The following CHRM3 variants were observed in gnomAD, a reference collection of about 807,000 sequenced individuals.
CHRM3 encodes cholinergic receptor muscarinic 3.
Under a neutral mutation model 41.8 loss-of-function variants are expected in CHRM3, and 11 were observed. The ratio of observed to expected loss-of-function variants is 0.26; its 90% CI spans 0.17 to 0.44. CHRM3 has a LOEUF of 0.44. Ranked by LOEUF, CHRM3 falls within the 20% of genes least tolerant of loss-of-function variation. The probability of loss-of-function intolerance (pLI) is 1.00; values close to 1 mark genes in which losing one functional copy is unlikely to be tolerated. For missense variants in CHRM3, 571 were observed against 745.4 expected, an observed-to-expected ratio of 0.77 and a Z score of 2.72; for synonymous variants, 297 against 301.4, an observed-to-expected ratio of 0.99 and a Z score of 0.15.
At chr1:239,602,480 T>C (rs1434579896) in intron 3 of CHRM3, among the ~76,000 whole-genome samples, 1 of 152,122 alleles carries the variant, frequency 6.6e-6, no homozygotes, top group Non-Finnish European at 1.5e-5. Context: ...AAAACTGAAA[T>C]AACTGTTAAT....
intron 3 of CHRM3, among the ~76,000 whole-genome samples, chr1:239,587,678 A>G (rs1006158462): frequency 3.9e-5 from 6 of 152,128 alleles, no homozygotes; most frequent in African/African-American, 1.2e-4. Flanking sequence ...CCATACTTCT[A>G]ACTTTCTCAA....
chr1:239,457,830 A>C (rs1665065707), intron 1 of CHRM3, among the ~76,000 whole-genome samples: 1 of 152,232 alleles, frequency 6.6e-6, no homozygotes, highest in African/African-American at 2.4e-5. Flanking sequence ...AAAGTGGTTT[A>C]AGAAGGAGAT....
At chr1:239,650,469 A>G (rs1672132975) in intron 4 of CHRM3, among the ~76,000 whole-genome samples, 1 of 152,212 alleles carries the variant, frequency 6.6e-6, no homozygotes, top group Non-Finnish European at 1.5e-5. Context: ...GGGAAAAAAG[A>G]AGTGTGAGTG....
At chr1:239,780,830 T>A (rs1219700526) in intron 5 of CHRM3, among the ~76,000 whole-genome samples, 1 of 152,086 alleles carries the variant, frequency 6.6e-6, no homozygotes, top group East Asian at 1.9e-4. Flanking sequence ...TGTGTGTGTG[T>A]GTGTGTGTGT....
chr1:239,756,646 G>A (rs1364761553), intron 5 of CHRM3, among the ~76,000 whole-genome samples: 3 of 152,138 alleles, frequency 2.0e-5, no homozygotes, highest in African/African-American at 2.4e-5. Flanking sequence ...AATGAAGCAC[G>A]TGCTATAAGT....
intron 5 of CHRM3, among the ~76,000 whole-genome samples, chr1:239,782,626 A>G (rs1668590896): frequency 1.3e-5 from 2 of 151,882 alleles, no homozygotes; most frequent in African/African-American, 4.8e-5. Context: ...TTTCTGCTCC[A>G]TTTATTATTA....
intron 6 of CHRM3, among the ~76,000 whole-genome samples, chr1:239,852,744 C>A (rs1223819791): frequency 6.6e-6 from 1 of 152,134 alleles, no homozygotes; most frequent in Admixed American, 6.6e-5. Flanking sequence ...GCACATAGTG[C>A]TGACGTAGTT....
At chr1:239,744,255 CATT>C (rs1665145527) in intron 5 of CHRM3, among the ~76,000 whole-genome samples, 1 of 152,042 alleles carries the variant, frequency 6.6e-6, no homozygotes, top group South Asian at 2.1e-4. Context: ...TAGTTCCTGA[CATT>C]ATTCAGGTCA....
intron 3 of CHRM3, among the ~76,000 whole-genome samples, chr1:239,550,545 G>T (rs1210235385): frequency 6.6e-6 from 1 of 152,124 alleles, no homozygotes; most frequent in African/African-American, 2.4e-5. Context: ...ATGTTACAGA[G>T]ATTTCTATGA....
intron 3 of CHRM3, among the ~76,000 whole-genome samples, chr1:239,601,597 C>A (rs531376105): frequency 6.6e-6 from 1 of 151,552 alleles, no homozygotes; most frequent in African/African-American, 2.4e-5. Context: ...AACAAATTAA[C>A]CACTCTGAAC....
At chr1:239,861,509 A>T (rs890802056) in intron 6 of CHRM3, among the ~76,000 whole-genome samples, 6 of 152,132 alleles carry the variant, frequency 3.9e-5, no homozygotes, top group African/African-American at 1.4e-4. Flanking sequence ...GAATGCAAGA[A>T]TGGTGCAGAG....
chr1:239,399,924 C>CT (rs1409776181), intron 1 of CHRM3, among the ~76,000 whole-genome samples: 1 of 151,674 alleles, frequency 6.6e-6, no homozygotes, highest in African/African-American at 2.4e-5. Context: ...TTTTATTTTA[C>CT]TTTTTTGAGA....
At chr1:239,641,889 T>G (rs1239488701) in intron 4 of CHRM3, among the ~76,000 whole-genome samples, 1 of 128,404 alleles carries the variant, frequency 7.8e-6, no homozygotes, top group East Asian at 2.0e-4. Flanking sequence ...GGCGTGATTT[T>G]GCAGTGGCTG....
intron 4 of CHRM3, among the ~76,000 whole-genome samples, chr1:239,662,131 G>GTT (rs1240063153): frequency 6.6e-6 from 1 of 151,684 alleles, no homozygotes; most frequent in East Asian, 1.9e-4. Flanking sequence ...GTGTGTGTGT[G>GTT]TGTGTGTGTG....
intron 5 of CHRM3, among the ~76,000 whole-genome samples, chr1:239,803,712 A>G (rs1251441858): frequency 6.6e-6 from 1 of 152,170 alleles, no homozygotes. Flanking sequence ...ACTAAAATCA[A>G]GTGTGGAAGG....
At chr1:239,790,882 C>T (rs181595336) in intron 5 of CHRM3, among the ~76,000 whole-genome samples, 6 of 152,156 alleles carry the variant, frequency 3.9e-5, no homozygotes, top group Admixed American at 1.3e-4. Context: ...GTCTCATCTA[C>T]TCCATAATGT....
chr1:239,404,782 C>T (rs1414746167), intron 1 of CHRM3, among the ~76,000 whole-genome samples: 1 of 141,008 alleles, frequency 7.1e-6, no homozygotes, highest in African/African-American at 2.6e-5. Context: ...ACAATGTTCA[C>T]AGGGTACTAT....
chr1:239,708,736 CTTTTTTTTTTTTT>C (rs869143310), intron 5 of CHRM3, among the ~76,000 whole-genome samples: 4 of 48,294 alleles, frequency 8.3e-5, no homozygotes, highest in Admixed American at 3.7e-4. Context: ...TTTAAATTTT[CTTTTTTTTTTTTT>C]TTTTTTTTTT....
intron 3 of CHRM3, among the ~76,000 whole-genome samples, chr1:239,552,462 A>C (rs554414271): frequency 6.8e-6 from 1 of 147,652 alleles, no homozygotes; most frequent in Non-Finnish European, 1.5e-5. Context: ...CATATTTTAT[A>C]TATGTATAGA....
Sources: gnomAD v4.1 joint callset for allele counts (sites outside exome capture counted in the v4.1 genomes callset) on GRCh38, gnomAD v4.1.1 for gene constraint, MANE v1.5 for transcripts, NCBI Gene and HGNC (gene_info 2026-07-23, HGNC 2026-07-21) for gene names.